The following CDH26 variants were observed in gnomAD, a reference collection of about 807,000 sequenced individuals.
CDH26 encodes the protein cadherin 26, also known as cadherin-like protein 26.
CDH26 carries 83 observed loss-of-function variants against 90.3 expected under a neutral mutation model. The ratio of observed to expected loss-of-function variants is 0.92; its 90% CI spans 0.77 to 1.10. The LOEUF (loss-of-function observed/expected upper bound fraction) is 1.10, where lower values mean the gene tolerates loss of function less well. Among genes scored for constraint, CDH26 ranks in the 50% least tolerant of loss-of-function variants. CDH26 has a pLI of 0.00. For synonymous variants in CDH26, 397 were observed against 396.3 expected, an observed-to-expected ratio of 1.00 and a Z score of -0.02; for missense variants, 1,013 against 1,037.6, an observed-to-expected ratio of 0.98 and a Z score of 0.33.
rs1032240170 is a variant in CDH26, at chr20:60,010,094, G to A, written c.2296-2433G>A. ...GCCTGACATAGCAGTAGACTGGGGC[G>A]GGGAGACAGCATTTCCCACTAAACA... On this transcript the variant is annotated intron_variant, in intron 17 of 17. Coordinates refer to ENST00000348616, the MANE Select transcript of CDH26 (RefSeq NM_177980.4). 5.3e-5 allele frequency among the ~76,000 whole-genome samples: 8 copies of A among 152,092 alleles called. No individual in the cohort carries two copies. The South Asian group carries it at 8.3e-4, about 16-fold the overall frequency.
intron 12 of CDH26, 92 bp downstream of exon 12, chr20:59,996,146 G>A: frequency 7.7e-7 from 1 of 1,293,138 alleles, no homozygotes; most frequent in Non-Finnish European, 1.1e-6. Flanking sequence ...GGGGACAGCG[G>A]TGGCAGGATT....
intron 17 of CDH26, among the ~76,000 whole-genome samples, chr20:60,007,258 A>G (rs1471565929): frequency 6.6e-6 from 1 of 152,216 alleles, no homozygotes; most frequent in Admixed American, 6.5e-5. Flanking sequence ...AATTAAGTCC[A>G]TAGCAATCAC....
intron 1 of CDH26, among the ~76,000 whole-genome samples, chr20:59,962,389 C>T: frequency 6.6e-6 from 1 of 152,200 alleles, no homozygotes; most frequent in East Asian, 1.9e-4. Flanking sequence ...TGGGAGGACC[C>T]TCCCTGGCCT....
At chr20:60,004,278 G>A (rs571189273) in intron 16 of CDH26, among the ~76,000 whole-genome samples, 2 of 152,288 alleles carry the variant, frequency 1.3e-5, no homozygotes, top group South Asian at 2.1e-4. Context: ...ATGGGGATAC[G>A]TTCTGAGAAA....
chr20:59,995,299 A>G (rs771859155), intron 11 of CDH26, among the ~76,000 whole-genome samples: 2 of 152,192 alleles, frequency 1.3e-5, no homozygotes, highest in East Asian at 3.9e-4. Flanking sequence ...CTGGTCACAT[A>G]GTATCAGTCT....
intron 16 of CDH26, among the ~76,000 whole-genome samples, chr20:60,003,738 A>G (rs1277019637): frequency 6.6e-6 from 1 of 152,240 alleles, no homozygotes; most frequent in Admixed American, 6.5e-5. Flanking sequence ...TAATGAAAAT[A>G]AATTTCAAAT....
chr20:59,969,619 CTCTT>C (rs1459473556), intron 2 of CDH26, among the ~76,000 whole-genome samples: 1 of 152,196 alleles, frequency 6.6e-6, no homozygotes, highest in African/African-American at 2.4e-5. Context: ...CTAAGTCACT[CTCTT>C]TCTCTTTGTG....
Position 59,999,656 on chromosome 20 carries a change from G to C in CDH26, c.2090G>C (p.Gly697Ala). 1 of 1,614,108 alleles carries C rather than the reference G, an allele frequency of 6.2e-7. No homozygotes were observed. The highest frequency in any genetic ancestry group is 2.2e-5 in the East Asian group (1 of 44,878). The change falls in exon 14 of 18, where the codon GGA (glycine) becomes GCA (alanine). Residue 697 changes from glycine (G) to alanine (A), a missense_variant. Gly to Ala is a moderately conservative substitution (Grantham distance 60, BLOSUM62 0). Transcript: ENST00000348616. ...ICTAAAGPTQ[G>A]VKDLEEVPPS... Reference sequence around the variant, plus strand: ...ACAGCTGCAGCAGGACCCACGCAGGGAGTTAAGGTAACATGCCCCTTACTT... The same window carrying C: ...ACAGCTGCAGCAGGACCCACGCAGGCAGTTAAGGTAACATGCCCCTTACTT...
intron 15 of CDH26, among the ~76,000 whole-genome samples, chr20:60,002,277 G>T (rs1470826025): frequency 6.6e-6 from 1 of 151,914 alleles, no homozygotes; most frequent in Non-Finnish European, 1.5e-5. Context: ...TCACTGAAGG[G>T]CTCCCGCATT....
chr20:60,015,216 C>A (rs2061894952), downstream of CDH26, among the ~76,000 whole-genome samples: 1 of 152,138 alleles, frequency 6.6e-6, no homozygotes, highest in Non-Finnish European at 1.5e-5. Flanking sequence ...TATCTACTGA[C>A]CTCAGGTGAT....
chr20:59,975,851 T>C (rs768065563), intron 4 of CDH26, among the ~76,000 whole-genome samples: 1 of 152,056 alleles, frequency 6.6e-6, no homozygotes, highest in Non-Finnish European at 1.5e-5. Flanking sequence ...AAAGAAAAAT[T>C]GTGTTCAGGG....
chr20:60,001,542 G>A (rs2061677350), intron 15 of CDH26, 131 bp downstream of exon 15: 2 of 1,424,234 alleles, frequency 1.4e-6, no homozygotes, highest in Non-Finnish European at 1.8e-6. Context: ...ATGAAAATCT[G>A]AGAAGCTGGG....
intron 8 of CDH26, chr20:60,033,457 T>C: frequency 1.5e-6 from 2 of 1,297,422 alleles, no homozygotes; most frequent in Non-Finnish European, 2.0e-6. Context: ...TATTTAATTC[T>C]CACTTTCTGT....
Position 59,992,638 on chromosome 20 carries a change from C to A in CDH26, c.1426+118C>A. The A allele has an allele frequency of 1.0e-6, 1 of 972,988 alleles. No homozygotes were observed. Among genetic ancestry groups the A allele is most frequent in the Non-Finnish European group, 1.5e-6 (1 of 647,250 alleles). The allele number at this position is 972,988 out of a possible 1,614,324, so 60.3% of individuals were successfully genotyped here. On this transcript the variant is annotated intron_variant, in intron 10 of 17. Transcript: ENST00000348616. The surrounding 1 kb of genome is among the most constrained non-coding windows in gnomAD (Gnocchi z 5.0). Reference sequence around the variant, plus strand: ...AAAAGGATAAAATAAACCTTGTTATCACTCTGCATCCATGCTGGTGATTAT... The same window carrying A: ...AAAAGGATAAAATAAACCTTGTTATAACTCTGCATCCATGCTGGTGATTAT...
chr20:60,020,472 A>G (rs2061943477), intron 7 of CDH26, among the ~76,000 whole-genome samples: 1 of 152,128 alleles, frequency 6.6e-6, no homozygotes, highest in Non-Finnish European at 1.5e-5. Context: ...CCCACTGGAA[A>G]TGTGGGCGGT....
chr20:60,000,388 G>A (rs1030259250), intron 14 of CDH26, among the ~76,000 whole-genome samples: 1 of 152,236 alleles, frequency 6.6e-6, no homozygotes, highest in Non-Finnish European at 1.5e-5. Context: ...CCATAAATGA[G>A]CATGTGCCTG....
intron 7 of CDH26, among the ~76,000 whole-genome samples, chr20:60,025,592 A>G (rs2061990484): frequency 1.3e-5 from 2 of 152,232 alleles, no homozygotes; most frequent in African/African-American, 2.4e-5. Flanking sequence ...GGCTGGGAGC[A>G]GGTGTGGTGA....
Position 59,994,244 on chromosome 20 carries a change from T to C in CDH26, c.1427-6T>C, listed in dbSNP as rs773411740. 8 of 1,613,916 alleles carry C rather than the reference T, an allele frequency of 5.0e-6. No homozygotes were observed. The highest frequency in any genetic ancestry group is 6.8e-6 in the Non-Finnish European group (8 of 1,179,966). On this transcript the variant is annotated splice_region_variant and splice_polypyrimidine_tract_variant and intron_variant, in intron 10 of 17. Coordinates refer to ENST00000348616, the MANE Select transcript of CDH26 (RefSeq NM_177980.4). ...AACAACTCCTGAAACTTCCTCCCCATACAAGGCTTCCCACCGCAGACTGCT... is the reference window on the plus strand; with the variant it reads ...AACAACTCCTGAAACTTCCTCCCCACACAAGGCTTCCCACCGCAGACTGCT...
chr20:59,959,957 G>T (rs1220371489), intron 1 of CDH26, among the ~76,000 whole-genome samples: 1 of 152,216 alleles, frequency 6.6e-6, no homozygotes, highest in Non-Finnish European at 1.5e-5. Flanking sequence ...TTGGCTTTCT[G>T]TAGGTAGGGA....
Sources: gnomAD v4.1 joint callset for allele counts (sites outside exome capture counted in the v4.1 genomes callset) on GRCh38, gnomAD v4.1.1 for gene constraint, Gnocchi (gnomAD v3.1) non-coding constraint, MANE v1.5 for transcripts, NCBI Gene and HGNC (gene_info 2026-07-23, HGNC 2026-07-21) for gene names.